The following CLCA4 variants were observed in gnomAD, a reference collection of about 807,000 sequenced individuals.
CLCA4 encodes the protein calcium-activated chloride channel regulator 4.
Under a neutral mutation model 78.9 loss-of-function variants are expected in CLCA4, and 69 were observed. The observed-to-expected ratio is 0.87, with a 90% CI of 0.72 to 1.07. The LOEUF (loss-of-function observed/expected upper bound fraction) is 1.07. Among genes scored for constraint, CLCA4 ranks in the 50% least tolerant of loss-of-function variants. The probability of loss-of-function intolerance (pLI) is 0.00; values close to 1 mark genes in which losing one functional copy is unlikely to be tolerated. For synonymous variants in CLCA4, 362 were observed against 375.8 expected, an observed-to-expected ratio of 0.96 and a Z score of 0.42; for missense variants, 1,133 against 1,095.8, an observed-to-expected ratio of 1.03 and a Z score of -0.48.
In CLCA4 at chr1:86,547,161, C is replaced by CCTG. The variant is rs530092999; in HGVS notation, c.47_49dup (p.Leu16dup). 640 of 1,609,356 alleles carry CCTG rather than the reference C, an allele frequency of 4.0e-4. 4 individuals carry two copies. The African/African-American group carries it at 7.8e-3, about 20-fold the overall frequency. On this transcript the variant is annotated inframe_insertion, in exon 1 of 14. Transcript: ENST00000370563. Reference sequence around the variant, plus strand: ...GTTTTGTTTTCCTCTTAGTTCTGTGCCTGCTGCACCAGTCAAATACTTCCT... The same window carrying CCTG: ...GTTTTGTTTTCCTCTTAGTTCTGTGCCTGCTGCTGCACCAGTCAAATACTTCCT...
At position 86,575,319 on chromosome 1, in the gene CLCA4, T is replaced by C. The variant is rs1016212369; in HGVS notation, c.1684-13T>C. ...ACTTTGGATACTTACTATATTTCTG[T>C]TGAAACTTTTAGGTGGGCACTTGGG... On this transcript the variant is annotated splice_polypyrimidine_tract_variant and intron_variant, in intron 10 of 13. Transcript: ENST00000370563. 7 of 1,606,154 alleles carry C rather than the reference T, an allele frequency of 4.4e-6. No individual in the cohort carries two copies. Among genetic ancestry groups the C allele is most frequent in the Non-Finnish European group, 6.0e-6 (7 of 1,175,068 alleles).
intron 1 of CLCA4, among the ~76,000 whole-genome samples, chr1:86,557,135 A>G (rs868406540): frequency 2.0e-5 from 3 of 151,604 alleles, no homozygotes; most frequent in Admixed American, 2.0e-4. Flanking sequence ...TAGCTTATAA[A>G]TTTTTTCAAA....
Position 86,575,308 on chromosome 1 carries a change from C to A in CLCA4, c.1684-24C>A, listed in dbSNP as rs1007872902. ...AAAGTAGCTTGACTTTGGATACTTA[C>A]TATATTTCTGTTGAAACTTTTAGGT... On this transcript the variant is annotated intron_variant, in intron 10 of 13. Transcript: ENST00000370563. 6.3e-6 allele frequency: 10 copies of A among 1,593,776 alleles called. No individual in the cohort carries two copies. In the Admixed American group the frequency reaches 6.8e-5, roughly 11 times the overall value.
intron 10 of CLCA4, among the ~76,000 whole-genome samples, chr1:86,575,071 T>G (rs1029213008): frequency 6.6e-6 from 1 of 152,052 alleles, no homozygotes; most frequent in Non-Finnish European, 1.5e-5. Context: ...TTGATGAATC[T>G]GTGGACTCTA....
At chr1:86,550,769 A>T (rs1459654111) in intron 1 of CLCA4, among the ~76,000 whole-genome samples, 7 of 151,828 alleles carry the variant, frequency 4.6e-5, no homozygotes, top group South Asian at 2.1e-4. Context: ...AATAAAATTA[A>T]AAAAAAGTGC....
At chr1:86,577,860 A>G in intron 11 of CLCA4, 42 bp from the exon 12 acceptor site, 1 of 1,570,624 alleles carries the variant, frequency 6.4e-7, no homozygotes. Flanking sequence ...AAAATGCAAA[A>G]TTTCTCTTTA....
At chr1:86,574,405 T>A (rs1425123741) in intron 9 of CLCA4, 135 bp from the exon 10 acceptor site, 1 of 641,196 alleles carries the variant, frequency 1.6e-6, no homozygotes, top group Non-Finnish European at 2.7e-6. Flanking sequence ...CATCACCAGC[T>A]TGCAGAGAGA....
rs746031377 is a variant in CLCA4, at chr1:86,575,472, C to T, written c.1824C>T (p.Pro608=). ...AKMNKDVNSF[P]SPMIVYAEIL... ...TGAATAAGGACGTAAACAGTTTCCC[C>T]AGCCCAATGATTGTTTACGCAGAAA... The change falls in exon 11 of 14, where the codon CCC becomes CCT. Residue 608 remains proline, a synonymous_variant. Transcript: ENST00000370563. The T allele has an allele frequency of 1.2e-6, 2 of 1,613,394 alleles. No homozygotes were observed. The highest frequency in any genetic ancestry group is 2.2e-5 in the East Asian group (1 of 44,854).
intron 1 of CLCA4, among the ~76,000 whole-genome samples, chr1:86,557,236 C>A (rs1159844120): frequency 6.6e-6 from 1 of 151,732 alleles, no homozygotes; most frequent in African/African-American, 2.4e-5. Context: ...TTGATTATTT[C>A]TGGTCTTCTG....
intron 8 of CLCA4, chr1:86,571,464 A>G: frequency 2.2e-6 from 1 of 452,334 alleles, no homozygotes; most frequent in Non-Finnish European, 3.9e-6. Context: ...GCATTCCTAC[A>G]TAACAGGAGG....
chr1:86,567,385 C>G, intron 6 of CLCA4, 39 bp from the exon 7 acceptor site: 2 of 1,509,854 alleles, frequency 1.3e-6, no homozygotes. Context: ...ATTTTCCAGT[C>G]AAAATCACTT....
intron 1 of CLCA4, chr1:86,552,849 T>C: frequency 1.3e-6 from 1 of 779,690 alleles, no homozygotes; most frequent in Middle Eastern, 2.5e-4. Context: ...GCGTTTCATA[T>C]ATATCTGATC....
intron 4 of CLCA4, among the ~76,000 whole-genome samples, chr1:86,564,830 A>T (rs779221932): frequency 2.6e-4 from 39 of 152,274 alleles, no homozygotes; most frequent in Non-Finnish European, 5.1e-4. Flanking sequence ...TTGAGTAATA[A>T]GAACATTTGT....
chr1:86,553,850 C>T (rs538059716), intron 1 of CLCA4, among the ~76,000 whole-genome samples: 2 of 152,110 alleles, frequency 1.3e-5, no homozygotes, highest in South Asian at 4.2e-4. Context: ...GCAGGAGAAT[C>T]GCTTGAACCC....
chr1:86,569,088 T>C (rs1650278356), intron 7 of CLCA4, among the ~76,000 whole-genome samples: 1 of 152,080 alleles, frequency 6.6e-6, no homozygotes, highest in Non-Finnish European at 1.5e-5. Flanking sequence ...TTTTTCACTC[T>C]TATGGTACAT....
intron 1 of CLCA4, among the ~76,000 whole-genome samples, chr1:86,554,497 C>T (rs932909696): frequency 2.0e-5 from 3 of 151,950 alleles, no homozygotes; most frequent in South Asian, 2.1e-4. Context: ...ACTCCTGACC[C>T]GAAGTGATCT....
chr1:86,549,022 G>A (rs1649582743), intron 1 of CLCA4, among the ~76,000 whole-genome samples: 1 of 152,160 alleles, frequency 6.6e-6, no homozygotes, highest in African/African-American at 2.4e-5. Context: ...TTTTTTTAAA[G>A]CCTCTGGCAC....
At chr1:86,568,357 A>G (rs1372730653) in intron 7 of CLCA4, among the ~76,000 whole-genome samples, 1 of 148,714 alleles carries the variant, frequency 6.7e-6, no homozygotes, top group African/African-American at 2.4e-5. Context: ...TCTACTTCAT[A>G]TACTATATAT....
Position 86,565,422 on chromosome 1 carries a change from T to C in CLCA4, c.706T>C (p.Ser236Pro), listed in dbSNP as rs772703816. 1 of 1,600,160 alleles carries C rather than the reference T, an allele frequency of 6.2e-7. No individual in the cohort carries two copies. The highest frequency in any genetic ancestry group is 1.1e-5 in the South Asian group (1 of 88,492). ...TGATAAAGTACAAACAGAAAAAGCA[T>C]CCATAATGTTTATGCAAAGTATTGA... ...FPDKVQTEKA[S>P]IMFMQSIDSV... Residue 236 changes from serine (S) to proline (P), a missense_variant, in exon 5 of 14, where the codon TCC becomes CCC. Ser to Pro is a moderately conservative substitution (Grantham distance 74). Coordinates refer to ENST00000370563, the MANE Select transcript of CLCA4 (RefSeq NM_012128.4).
Sources: gnomAD v4.1 joint callset for allele counts (sites outside exome capture counted in the v4.1 genomes callset) on GRCh38, gnomAD v4.1.1 for gene constraint, MANE v1.5 for transcripts, NCBI Gene and HGNC (gene_info 2026-07-23, HGNC 2026-07-21) for gene names.